The following DTD1 variants were observed in gnomAD, a reference collection of about 807,000 sequenced individuals.
DTD1 encodes the protein D-aminoacyl-tRNA deacylase 1, also known as D-tyrosyl-tRNA deacylase 1 homolog.
In DTD1, 13 loss-of-function variants were observed where a neutral mutation model predicts 25.6. The observed-to-expected ratio is 0.51, with a 90% CI of 0.33 to 0.81. The LOEUF is 0.81. Ranked by LOEUF, DTD1 falls within the 30% of genes least tolerant of loss-of-function variation. The pLI, the probability that DTD1 is intolerant of heterozygous loss-of-function variation, is 0.02. For missense variants in DTD1, 193 were observed against 266.4 expected (o/e 0.72, Z 1.92); for synonymous variants, 110 against 103.6 (o/e 1.06, Z -0.37).
chr20:18,740,577 T>C (rs965697693), intron 4 of DTD1, among the ~76,000 whole-genome samples: 17 of 152,334 alleles, frequency 1.1e-4, no homozygotes, highest in African/African-American at 4.1e-4. Flanking sequence ...TTTCAAGATA[T>C]TTGGATTTTA....
intron 4 of DTD1, among the ~76,000 whole-genome samples, chr20:18,737,286 C>T (rs931794338): frequency 2.6e-5 from 4 of 152,026 alleles, no homozygotes; most frequent in African/African-American, 7.3e-5. Flanking sequence ...AGTAGACACT[C>T]GGGTGATGCC....
At chr20:18,727,623 G>A (rs1322118691) in intron 4 of DTD1, among the ~76,000 whole-genome samples, 3 of 152,102 alleles carry the variant, frequency 2.0e-5, no homozygotes, top group African/African-American at 4.8e-5. Context: ...TAGTTCATTC[G>A]CAGAGCAACC....
intron 4 of DTD1, among the ~76,000 whole-genome samples, chr20:18,679,689 A>G (rs1319157921): frequency 6.6e-6 from 1 of 152,168 alleles, no homozygotes; most frequent in Non-Finnish European, 1.5e-5. Flanking sequence ...GCCAGATGTG[A>G]TGGAAATAAG....
chr20:18,639,073 C>A (rs2060819062), intron 4 of DTD1, among the ~76,000 whole-genome samples: 1 of 151,124 alleles, frequency 6.6e-6, no homozygotes, highest in Admixed American at 6.6e-5. Context: ...TCTATGATGA[C>A]ATCAGACATT....
intron 4 of DTD1, among the ~76,000 whole-genome samples, chr20:18,660,854 A>G (rs2060907177): frequency 6.6e-6 from 1 of 152,246 alleles, no homozygotes. Flanking sequence ...GAAATAATAC[A>G]GTGAGATGCT....
At chr20:18,616,273 ATTAT>A (rs1299925910) in intron 3 of DTD1, among the ~76,000 whole-genome samples, 2 of 151,972 alleles carry the variant, frequency 1.3e-5, no homozygotes, top group African/African-American at 2.4e-5. Context: ...TACTGACTTC[ATTAT>A]TTATTCCTGC....
At chr20:18,618,350 GT>G (rs1175379955) in intron 3 of DTD1, among the ~76,000 whole-genome samples, 6 of 150,710 alleles carry the variant, frequency 4.0e-5, no homozygotes, top group South Asian at 2.1e-4. Flanking sequence ...TTTTGTTTTT[GT>G]TTTTTTGTTT....
chr20:18,710,051 G>T (rs190114927), intron 4 of DTD1, among the ~76,000 whole-genome samples: 54 of 152,184 alleles, frequency 3.5e-4, no homozygotes, highest in South Asian at 1.2e-3. Context: ...TATGAATAGG[G>T]CAGCTTTATG....
chr20:18,590,334 C>T (rs73112620), intron 1 of DTD1, among the ~76,000 whole-genome samples: 2 of 152,178 alleles, frequency 1.3e-5, no homozygotes, highest in Non-Finnish European at 2.9e-5. Flanking sequence ...GTGCCGCCAC[C>T]GCTATGTCCA....
In DTD1 at chr20:18,707,369, C is replaced by T. The variant is rs8116794; in HGVS notation, c.478-36731C>T. Among the ~76,000 whole-genome samples, 575 of 152,240 alleles carry T rather than the reference C, an allele frequency of 3.8e-3. 3 individuals carry two copies. The highest frequency in any genetic ancestry group is 0.013 in the African/African-American group (557 of 41,542). ...GTTGTTTAAGTAAAGCAACCCTGGACGGACTGCAGTAGACAAGATTGTACC... is the reference window on the plus strand; with the variant it reads ...GTTGTTTAAGTAAAGCAACCCTGGATGGACTGCAGTAGACAAGATTGTACC... On this transcript the variant is annotated intron_variant, in intron 4 of 5. Coordinates refer to ENST00000377452, the MANE Select transcript of DTD1 (RefSeq NM_080820.6).
chr20:18,657,082 C>T (rs906637192), intron 4 of DTD1, among the ~76,000 whole-genome samples: 1 of 152,186 alleles, frequency 6.6e-6, no homozygotes, highest in African/African-American at 2.4e-5. Context: ...CACTAATCCA[C>T]AGATCTTCTT....
intron 4 of DTD1, among the ~76,000 whole-genome samples, chr20:18,643,786 C>T (rs1159295742): frequency 6.6e-6 from 1 of 152,106 alleles, no homozygotes; most frequent in Non-Finnish European, 1.5e-5. Context: ...AATACAGGCC[C>T]ATTATTTTGA....
At chr20:18,756,367 T>A (rs36139850) in intron 5 of DTD1, among the ~76,000 whole-genome samples, 5,524 of 152,224 alleles carry the variant, frequency 0.036, 210 homozygotes, top group African/African-American at 0.09. Flanking sequence ...CTGAATTGTA[T>A]TGCCTAGGTT....
chr20:18,723,893 A>G (rs998006357), intron 4 of DTD1, among the ~76,000 whole-genome samples: 5 of 152,308 alleles, frequency 3.3e-5, no homozygotes, highest in African/African-American at 7.2e-5. Context: ...GGCTCTGTCA[A>G]TTGAGTGGCT....
chr20:18,607,567 G>T (rs144815831), intron 3 of DTD1, among the ~76,000 whole-genome samples: 109 of 152,282 alleles, frequency 7.2e-4, no homozygotes, highest in African/African-American at 2.6e-3. Flanking sequence ...AGATTGTAGA[G>T]AATTGGTATA....
intron 3 of DTD1, among the ~76,000 whole-genome samples, chr20:18,625,043 T>G (rs2060751583): frequency 6.6e-6 from 1 of 152,220 alleles, no homozygotes; most frequent in Non-Finnish European, 1.5e-5. Context: ...GTTCCAGGCT[T>G]GAGACACTTG....
chr20:18,588,507 C>T (rs2060575444), intron 1 of DTD1, among the ~76,000 whole-genome samples: 1 of 152,236 alleles, frequency 6.6e-6, no homozygotes, highest in South Asian at 2.1e-4. Flanking sequence ...GCACTCCTCC[C>T]TTTTCACTGC....
At chr20:18,713,730 G>GT (rs1466247277) in intron 4 of DTD1, among the ~76,000 whole-genome samples, 1 of 152,154 alleles carries the variant, frequency 6.6e-6, no homozygotes, top group Non-Finnish European at 1.5e-5. Context: ...CTAGACTAAG[G>GT]TTTCTCTCTG....
rs562142419 is a variant in DTD1, at chr20:18,752,300, CT to C, written c.*19+8033del. 7.9e-5 allele frequency among the ~76,000 whole-genome samples: 12 copies of C among 152,290 alleles called. No individual in the cohort carries two copies. The South Asian group carries it at 2.5e-3, about 32-fold the overall frequency. ...AATTTCCTCTCTGTTCTCTCTTCTC[CT>C]TTTGGTATTCCAATTATATATATGG... On this transcript the variant is annotated intron_variant, in intron 5 of 5. Coordinates refer to ENST00000377452, the MANE Select transcript of DTD1 (RefSeq NM_080820.6).
Sources: gnomAD v4.1 joint callset for allele counts (sites outside exome capture counted in the v4.1 genomes callset) on GRCh38, gnomAD v4.1.1 for gene constraint, MANE v1.5 for transcripts, NCBI Gene and HGNC (gene_info 2026-07-23, HGNC 2026-07-21) for gene names.